Variants in DLGAP2 observed in about 807,000 individuals in gnomAD.
DLGAP2 encodes disks large-associated protein 2.
A neutral mutation model predicts 100.3 loss-of-function variants in DLGAP2; 26 were observed. That is an observed-to-expected ratio of 0.26 (90% CI 0.19 to 0.36). The LOEUF (loss-of-function observed/expected upper bound fraction) is 0.36. DLGAP2 is among the 10% of genes least tolerant of loss of function. The probability of loss-of-function intolerance (pLI) is 1.00; values close to 1 mark genes in which losing one functional copy is unlikely to be tolerated. For synonymous variants in DLGAP2, 886 were observed against 630.1 expected (o/e 1.41, Z -6.08); for missense variants, 1,858 against 1,453.2 (o/e 1.28, Z -4.53).
chr8:1,494,832 T>C (rs754374128), intron 3 of DLGAP2, among the ~76,000 whole-genome samples: 3 of 151,836 alleles, frequency 2.0e-5, no homozygotes, highest in Admixed American at 6.6e-5. Context: ...AGCCACGGGG[T>C]TGAGGCTCAG....
intron 1 of DLGAP2, among the ~76,000 whole-genome samples, chr8:880,072 T>C (rs910382630): frequency 3.9e-5 from 6 of 152,206 alleles, no homozygotes; most frequent in African/African-American, 1.4e-4. Context: ...TCCTGCTGCT[T>C]CCAAATTCAT....
At chr8:952,270 C>T (rs540907963) in intron 2 of DLGAP2, among the ~76,000 whole-genome samples, 4 of 152,170 alleles carry the variant, frequency 2.6e-5, no homozygotes, top group South Asian at 2.1e-4. Context: ...GAGCTTAGGA[C>T]CTCTTGATGC....
At chr8:808,471 C>T (rs2132666624) in intron 1 of DLGAP2, among the ~76,000 whole-genome samples, 1 of 152,262 alleles carries the variant, frequency 6.6e-6, no homozygotes, top group East Asian at 1.9e-4. Flanking sequence ...GACATTCCAC[C>T]CCAAAAGGGC....
intron 2 of DLGAP2, among the ~76,000 whole-genome samples, chr8:1,240,039 AGTTCTCTCACATG>A (rs1798750767): frequency 2.7e-5 from 4 of 149,610 alleles, no homozygotes; most frequent in Non-Finnish European, 4.4e-5. Flanking sequence ...CGCCGTGTCT[AGTTCTCTCACATG>A]GCGCCGTGTC....
At chr8:878,140 C>A (rs1372445831) in intron 1 of DLGAP2, among the ~76,000 whole-genome samples, 1 of 152,172 alleles carries the variant, frequency 6.6e-6, no homozygotes, top group African/African-American at 2.4e-5. Flanking sequence ...GTCACTCTCC[C>A]ATTTTTTAAC....
At position 1,500,558 on chromosome 8, in the gene DLGAP2, G is replaced by T. The variant is rs759791378; in HGVS notation, c.107-808G>T. ...TGGAGAGTCGGCACCTGGTTTCCTG[G>T]GCAGAGCCCACTGGGAGGAGAGCTA... On this transcript the variant is annotated intron_variant, in intron 3 of 14. Transcript: ENST00000637795. Among the ~76,000 whole-genome samples the T allele has an allele frequency of 1.2e-4, 18 of 152,396 alleles. No homozygotes were observed. In the South Asian group the frequency reaches 2.7e-3, roughly 23 times the overall value.
intron 2 of DLGAP2, among the ~76,000 whole-genome samples, chr8:1,186,995 A>G (rs1463486538): frequency 2.0e-5 from 3 of 152,184 alleles, no homozygotes; most frequent in East Asian, 3.9e-4. Context: ...TAATTGAACA[A>G]TCTAAGCCCG....
At chr8:1,160,107 G>A (rs1363680571) in intron 2 of DLGAP2, among the ~76,000 whole-genome samples, 1 of 152,218 alleles carries the variant, frequency 6.6e-6, no homozygotes, top group East Asian at 1.9e-4. Context: ...GGAAGCTGAC[G>A]CCGCGGCCCG....
At chr8:905,731 G>T (rs747619252) in intron 1 of DLGAP2, among the ~76,000 whole-genome samples, 1 of 152,130 alleles carries the variant, frequency 6.6e-6, no homozygotes, top group Non-Finnish European at 1.5e-5. Flanking sequence ...TGAGGGGGGC[G>T]CCAGCTCCCA....
intron 2 of DLGAP2, among the ~76,000 whole-genome samples, chr8:1,157,098 C>G (rs1028545001): frequency 6.6e-6 from 1 of 152,160 alleles, no homozygotes; most frequent in Non-Finnish European, 1.5e-5. Flanking sequence ...GAAGTTTTGA[C>G]AGACTTTGGT....
intron 1 of DLGAP2, among the ~76,000 whole-genome samples, chr8:827,458 C>A (rs1684706660): frequency 6.6e-6 from 1 of 152,186 alleles, no homozygotes; most frequent in Non-Finnish European, 1.5e-5. Context: ...TGAACTTACT[C>A]AAACGGTTAT....
At chr8:1,118,744 G>A (rs1795961736) in intron 2 of DLGAP2, among the ~76,000 whole-genome samples, 1 of 152,166 alleles carries the variant, frequency 6.6e-6, no homozygotes, top group Non-Finnish European at 1.5e-5. Flanking sequence ...GTACTATGTG[G>A]TGGGACCGTT....
intron 2 of DLGAP2, among the ~76,000 whole-genome samples, chr8:1,245,510 T>C (rs1425659009): frequency 2.0e-5 from 3 of 152,214 alleles, no homozygotes; most frequent in Non-Finnish European, 4.4e-5. Flanking sequence ...CAGATAGGAT[T>C]CCATTTATAT....
At chr8:1,187,217 A>G (rs1419373293) in intron 2 of DLGAP2, among the ~76,000 whole-genome samples, 4 of 152,266 alleles carry the variant, frequency 2.6e-5, no homozygotes, top group Non-Finnish European at 4.4e-5. Context: ...ACGGAATTTC[A>G]CACGGGACCT....
At chr8:1,341,895 G>GTA (rs1563093797) in intron 3 of DLGAP2, among the ~76,000 whole-genome samples, 26 of 152,142 alleles carry the variant, frequency 1.7e-4, no homozygotes, top group African/African-American at 6.0e-4. Context: ...TCTAGCCTGC[G>GTA]GGTGAAGCAA....
intron 1 of DLGAP2, among the ~76,000 whole-genome samples, chr8:835,716 C>T (rs1468544481): frequency 1.3e-5 from 2 of 152,184 alleles, no homozygotes; most frequent in Admixed American, 1.3e-4. Context: ...TAGGCTGCGT[C>T]ACCAAATGTC....
rs1248233738 is a variant in DLGAP2 at position 1,565,825 on chromosome 8, C to G, written c.1373C>G (p.Pro458Arg). 11 of 1,613,614 alleles carry G rather than the reference C, an allele frequency of 6.8e-6. No homozygotes were observed. The highest frequency in any genetic ancestry group is 9.3e-6 in the Non-Finnish European group (11 of 1,179,742). Residue 458 changes from proline (P) to arginine (R), a missense_variant, in exon 6 of 15, where the codon CCA becomes CGA. By Grantham distance (103) the Pro-to-Arg change is moderately radical. Transcript: ENST00000637795. ...TCAGACTCCAGCCCCAAGACATCAC[C>G]AAAGTCGGCAATCCTACCAGAGCCG... ...GESDSSPKTS[P>R]KSAILPEPLL...
At chr8:1,074,028 C>G (rs558819604) in intron 2 of DLGAP2, among the ~76,000 whole-genome samples, 38 of 144,354 alleles carry the variant, frequency 2.6e-4, no homozygotes, top group Non-Finnish European at 4.8e-4. Context: ...CTGAACTCAC[C>G]CAGGTACATA....
At chr8:1,617,055 G>A (rs1352567266) in intron 6 of DLGAP2, among the ~76,000 whole-genome samples, 2 of 152,146 alleles carry the variant, frequency 1.3e-5, no homozygotes, top group African/African-American at 4.8e-5. Flanking sequence ...TGCTGCAAAG[G>A]ACATGATCTC....
Sources: gnomAD v4.1 joint callset for allele counts (sites outside exome capture counted in the v4.1 genomes callset) on GRCh38, gnomAD v4.1.1 for gene constraint, MANE v1.5 for transcripts, NCBI Gene and HGNC (gene_info 2026-07-23, HGNC 2026-07-21) for gene names.